Variants in LRRC7 observed in about 807,000 individuals in gnomAD.
LRRC7 encodes the protein leucine-rich repeat-containing protein 7.
LRRC7 carries 23 observed loss-of-function variants against 175.7 expected under a neutral mutation model. The ratio of observed to expected loss-of-function variants is 0.13; its 90% CI spans 0.09 to 0.19. The LOEUF is 0.19. LRRC7 is among the 10% of genes least tolerant of loss of function. LRRC7 has a pLI of 1.00. For synonymous variants in LRRC7, 685 were observed against 680.9 expected (o/e 1.01, Z -0.09); for missense variants, 1,354 against 1,904.7 (o/e 0.71, Z 5.38).
chr1:70,096,585 T>C (rs1165642878), intron 25 of LRRC7, among the ~76,000 whole-genome samples: 1 of 152,050 alleles, frequency 6.6e-6, no homozygotes. Context: ...GAGTTCTCTG[T>C]TGAAAGAGAA....
chr1:69,978,043 CA>C (rs1487025280), intron 8 of LRRC7, among the ~76,000 whole-genome samples: 1 of 151,688 alleles, frequency 6.6e-6, no homozygotes, highest in East Asian at 1.9e-4. Flanking sequence ...AACAAAAAAA[CA>C]AAAAAAGCAT....
chr1:70,018,934 T>C (rs2101968888), intron 15 of LRRC7, 116 bp downstream of exon 15: 2 of 642,628 alleles, frequency 3.1e-6, no homozygotes, highest in Non-Finnish European at 5.4e-6. Context: ...ATAAAGATAA[T>C]TACATGACAC....
chr1:69,998,204 C>T (rs1399602599), intron 11 of LRRC7, among the ~76,000 whole-genome samples: 2 of 152,140 alleles, frequency 1.3e-5, no homozygotes, highest in African/African-American at 2.4e-5. Flanking sequence ...TAAGCTTTGA[C>T]GTAGCTAAGA....
At position 69,578,439 on chromosome 1, in the gene LRRC7, T is replaced by G. The variant is rs554568099; in HGVS notation, c.2+9798T>G. On this transcript the variant is annotated intron_variant, in intron 1 of 26. Transcript: ENST00000651989. ...CCATTTGACCCAGCCATCCCATTAC[T>G]GGGTATATACCCAAAGGACTATAAA... Among the ~76,000 whole-genome samples, 25 of 146,694 alleles carry G rather than the reference T, an allele frequency of 1.7e-4. No individual in the cohort carries two copies. In the South Asian group the frequency reaches 5.7e-3, roughly 33 times the overall value.
At chr1:69,614,255 A>G (rs958757798) in intron 1 of LRRC7, among the ~76,000 whole-genome samples, 3 of 152,098 alleles carry the variant, frequency 2.0e-5, no homozygotes, top group African/African-American at 7.2e-5. Context: ...ACATGTGATA[A>G]CAATGGAAAA....
intron 7 of LRRC7, among the ~76,000 whole-genome samples, chr1:69,870,536 C>A (rs550050616): frequency 6.6e-6 from 1 of 152,010 alleles, no homozygotes; most frequent in Non-Finnish European, 1.5e-5. Context: ...CATCTCCCAA[C>A]AATCCCCTCC....
At chr1:69,618,579 C>CAAG (rs1210329008) in intron 1 of LRRC7, among the ~76,000 whole-genome samples, 1 of 152,112 alleles carries the variant, frequency 6.6e-6, no homozygotes, top group Admixed American at 6.6e-5. Flanking sequence ...TCCTTTATTG[C>CAAG]AAGAAGCCTA....
intron 4 of LRRC7, among the ~76,000 whole-genome samples, chr1:69,819,577 CTGTGTG>C (rs71071379): frequency 0.018 from 2,017 of 114,932 alleles, 48 homozygotes; most frequent in African/African-American, 0.057. Flanking sequence ...CTCTCTCTCT[CTGTGTG>C]TGTGTGTGTG....
At position 69,994,518 on chromosome 1, in the gene LRRC7, T is replaced by C. The variant is rs756593927; in HGVS notation, c.932-43T>C. On this transcript the variant is annotated intron_variant, in intron 10 of 26. Transcript: ENST00000651989. ...TTCTTTTATATCACATTTCCTGTCATAATCTGCTCTTATGTATTAATCAAC... is the reference window on the plus strand; with the variant it reads ...TTCTTTTATATCACATTTCCTGTCACAATCTGCTCTTATGTATTAATCAAC... 9.4e-6 allele frequency: 12 copies of C among 1,277,318 alleles called. No individual in the cohort carries two copies. The Admixed American group carries it at 1.9e-4, about 20-fold the overall frequency. 79.1% of individuals were successfully genotyped at this position (1,277,318 alleles called of 1,614,324 possible).
chr1:69,689,410 T>G (rs946369626), intron 2 of LRRC7, among the ~76,000 whole-genome samples: 5 of 151,740 alleles, frequency 3.3e-5, no homozygotes, highest in African/African-American at 1.2e-4. Flanking sequence ...GTCCTCATTT[T>G]CCCTCTCTGG....
At chr1:69,728,577 A>C (rs1570537360) in intron 2 of LRRC7, among the ~76,000 whole-genome samples, 1 of 152,030 alleles carries the variant, frequency 6.6e-6, no homozygotes, top group South Asian at 2.1e-4. Context: ...AAAAAGAAAA[A>C]GGGACTCCAA....
chr1:69,934,876 C>T (rs1183977721), intron 8 of LRRC7, among the ~76,000 whole-genome samples: 1 of 152,110 alleles, frequency 6.6e-6, no homozygotes, highest in African/African-American at 2.4e-5. Context: ...TCTCTCCTCC[C>T]CTCCCTGTGC....
rs1421687894 is a variant in LRRC7 at position 70,132,817 on chromosome 1, TA to T, written c.*10934del. Reference sequence around the variant, plus strand: ...TAATGTCAGACAGTGTGGCTACAGGTAAAAGCTCTGTGGAGAAAGGAGCAAA... The same window carrying T: ...TAATGTCAGACAGTGTGGCTACAGGTAAAGCTCTGTGGAGAAAGGAGCAAA... On this transcript the variant is annotated 3_prime_UTR_variant, in exon 27 of 27. Coordinates refer to ENST00000651989, the MANE Select transcript of LRRC7 (RefSeq NM_001370785.2). Among the ~76,000 whole-genome samples the T allele has an allele frequency of 1.3e-5, 2 of 152,040 alleles. No individual in the cohort carries two copies. Among genetic ancestry groups the T allele is most frequent in the Admixed American group, 6.6e-5 (1 of 15,248 alleles).
chr1:69,658,064 T>C (rs1449202426), intron 1 of LRRC7, among the ~76,000 whole-genome samples: 1 of 151,856 alleles, frequency 6.6e-6, no homozygotes. Context: ...AGTAACAATA[T>C]GTATTCTTAG....
intron 7 of LRRC7, among the ~76,000 whole-genome samples, chr1:69,921,975 G>T (rs570175580): frequency 6.6e-6 from 1 of 152,116 alleles, no homozygotes; most frequent in African/African-American, 2.4e-5. Flanking sequence ...CCCCAGGCTG[G>T]GGTGCGATGG....
At chr1:69,598,434 TGTAGAG>T (rs1646928520) in intron 1 of LRRC7, among the ~76,000 whole-genome samples, 1 of 152,094 alleles carries the variant, frequency 6.6e-6, no homozygotes, top group South Asian at 2.1e-4. Flanking sequence ...CTCACATGAT[TGTAGAG>T]GTTTTGCTCA....
chr1:69,708,404 A>T (rs1664300925), intron 2 of LRRC7, among the ~76,000 whole-genome samples: 1 of 152,132 alleles, frequency 6.6e-6, no homozygotes, highest in African/African-American at 2.4e-5. Context: ...CATACTGACC[A>T]TCGAGTTCCT....
chr1:69,760,004 A>G (rs1670863499), intron 2 of LRRC7, among the ~76,000 whole-genome samples, 187 bp from the exon 3 acceptor site: 1 of 152,020 alleles, frequency 6.6e-6, no homozygotes, highest in Admixed American at 6.6e-5. Flanking sequence ...GATGGGAATA[A>G]AACCTATTTC....
chr1:69,680,386 A>G (rs1300450720), intron 2 of LRRC7, among the ~76,000 whole-genome samples: 1 of 152,152 alleles, frequency 6.6e-6, no homozygotes, highest in African/African-American at 2.4e-5. Context: ...AATATAAAGT[A>G]TGTATGTTAA....
Sources: gnomAD v4.1 joint callset for allele counts (sites outside exome capture counted in the v4.1 genomes callset) on GRCh38, gnomAD v4.1.1 for gene constraint, MANE v1.5 for transcripts, NCBI Gene and HGNC (gene_info 2026-07-23, HGNC 2026-07-21) for gene names.